Variants in ITGA9 observed in about 807,000 individuals in gnomAD.
The protein encoded by ITGA9 is integrin subunit alpha 9, also known as integrin alpha-9.
In ITGA9, 56 loss-of-function variants were observed where a neutral mutation model predicts 127.8. The ratio of observed to expected loss-of-function variants is 0.44; its 90% CI spans 0.35 to 0.55. The LOEUF (loss-of-function observed/expected upper bound fraction) is 0.55. ITGA9 is among the 20% of genes least tolerant of loss of function. The pLI is 0.00. For synonymous variants in ITGA9, 508 were observed against 514.5 expected (o/e 0.99, Z 0.17); for missense variants, 1,196 against 1,347.1 (o/e 0.89, Z 1.76).
chr3:37,605,948 G>A (rs776059088), intron 15 of ITGA9, among the ~76,000 whole-genome samples: 5 of 152,014 alleles, frequency 3.3e-5, no homozygotes, highest in Non-Finnish European at 4.4e-5. Flanking sequence ...ATGATATAGT[G>A]TGCATGTGTG....
intron 15 of ITGA9, among the ~76,000 whole-genome samples, chr3:37,609,167 A>G (rs1344928791): frequency 1.3e-5 from 2 of 152,144 alleles, no homozygotes; most frequent in African/African-American, 4.8e-5. Flanking sequence ...ACACTCACAC[A>G]GTCATTCTCC....
chr3:37,594,330 A>T (rs1355934747), intron 15 of ITGA9, among the ~76,000 whole-genome samples: 1 of 152,128 alleles, frequency 6.6e-6, no homozygotes, highest in Admixed American at 6.5e-5. Flanking sequence ...AGAGTGAGGG[A>T]GAGTATGGCC....
intron 19 of ITGA9, among the ~76,000 whole-genome samples, chr3:37,736,329 T>A (rs1696361955): frequency 6.6e-6 from 1 of 152,192 alleles, no homozygotes; most frequent in Non-Finnish European, 1.5e-5. Flanking sequence ...CTAGCACATC[T>A]TTAACACTTC....
chr3:37,485,424 C>T (rs1698599325), intron 4 of ITGA9, among the ~76,000 whole-genome samples: 2 of 151,710 alleles, frequency 1.3e-5, no homozygotes, highest in Non-Finnish European at 2.9e-5. Flanking sequence ...CACTTCTGCC[C>T]CTTTAGCCTC....
chr3:37,496,872 A>G (rs970204958), intron 5 of ITGA9, among the ~76,000 whole-genome samples: 1 of 152,164 alleles, frequency 6.6e-6, no homozygotes, highest in Non-Finnish European at 1.5e-5. Flanking sequence ...AAGAGACACT[A>G]ATGGAGGAAC....
chr3:37,673,040 C>T (rs932638231), intron 17 of ITGA9, among the ~76,000 whole-genome samples: 1 of 151,928 alleles, frequency 6.6e-6, no homozygotes, highest in Non-Finnish European at 1.5e-5. Context: ...AATTGATATT[C>T]ATATTCTAAA....
chr3:37,630,106 T>C (rs1425261494), intron 16 of ITGA9, among the ~76,000 whole-genome samples: 1 of 152,220 alleles, frequency 6.6e-6, no homozygotes, highest in Non-Finnish European at 1.5e-5. Context: ...GGGGCAAAGC[T>C]GTGGAACCAC....
chr3:37,466,518 C>T (rs1180832140), intron 1 of ITGA9, among the ~76,000 whole-genome samples: 5 of 86,284 alleles, frequency 5.8e-5, no homozygotes, highest in African/African-American at 2.3e-4. Context: ...AAAAAAGGGC[C>T]TTTGAGTTTG....
chr3:37,630,477 CAA>C (rs1439210565), intron 16 of ITGA9, among the ~76,000 whole-genome samples: 1 of 152,174 alleles, frequency 6.6e-6, no homozygotes, highest in African/African-American at 2.4e-5. Context: ...AAAATTACAC[CAA>C]AGAGTTGTCC....
intron 15 of ITGA9, among the ~76,000 whole-genome samples, chr3:37,628,162 G>A (rs1268075095): frequency 2.0e-5 from 3 of 152,100 alleles, no homozygotes; most frequent in Non-Finnish European, 4.4e-5. Flanking sequence ...CTTCCCTGCT[G>A]CCACTCTCCT....
At chr3:37,541,001 C>T (rs564919012) in intron 14 of ITGA9, among the ~76,000 whole-genome samples, 2 of 152,304 alleles carry the variant, frequency 1.3e-5, no homozygotes, top group African/African-American at 4.8e-5. Flanking sequence ...ATGGCAGAGG[C>T]CCAGGGAGGC....
intron 23 of ITGA9, among the ~76,000 whole-genome samples, chr3:37,770,396 C>T (rs541576528): frequency 6.6e-6 from 1 of 152,274 alleles, no homozygotes; most frequent in East Asian, 1.9e-4. Flanking sequence ...TGTTCAAACC[C>T]AGGCACAGGG....
At chr3:37,804,720 C>A (rs1697274923) in intron 27 of ITGA9, among the ~76,000 whole-genome samples, 1 of 152,150 alleles carries the variant, frequency 6.6e-6, no homozygotes, top group African/African-American at 2.4e-5. Context: ...TCTAGAATTA[C>A]AAATTTCAGA....
At chr3:37,696,878 C>T (rs895594694) in intron 18 of ITGA9, among the ~76,000 whole-genome samples, 1 of 152,134 alleles carries the variant, frequency 6.6e-6, no homozygotes, top group Non-Finnish European at 1.5e-5. Flanking sequence ...GGTGACGTCA[C>T]CTGGGAGTGT....
chr3:37,452,450 C>T lies in ITGA9; in HGVS notation c.76C>T (p.Pro26Ser). 1 of 1,483,070 alleles carries T rather than the reference C, an allele frequency of 6.7e-7. No individual in the cohort carries two copies. Among genetic ancestry groups the T allele is most frequent in the Non-Finnish European group, 9.0e-7 (1 of 1,115,668 alleles). 91.9% of individuals were successfully genotyped at this position (1,483,070 alleles called of 1,614,324 possible). The part of the protein sequence containing the change: ...LLLALVVAGI[P>S]AGAYNLDPQR... ...GCTGGCGCTGGTGGTCGCGGGGATC[C>T]CCGCGGGCGCCTACAACCTCGACCC... Residue 26 changes from proline (P) to serine (S), a missense_variant, in exon 1 of 28, where the codon CCC becomes TCC. Transcript: ENST00000264741. This position sits in a 1 kb window ranked among gnomAD's most constrained non-coding sequence, Gnocchi z 7.3.
In ITGA9 at chr3:37,523,562, T is replaced by C. The variant is rs141414928; in HGVS notation, c.1278T>C (p.Phe426=). 3.3e-5 allele frequency: 54 copies of C among 1,614,012 alleles called. No individual in the cohort carries two copies. The highest frequency in any genetic ancestry group is 4.2e-6 in the Non-Finnish European group (5 of 1,179,998). ...GQKINPVLRM[F]GQSISGGIDM... ...AGATAAATCCAGTGCTCCGGATGTT[T>C]GGTCAGTCCATATCGGGAGGCATTG... The change falls in exon 12 of 28, where the codon TTT becomes TTC. Residue 426 remains phenylalanine (F), a synonymous_variant. Coordinates refer to ENST00000264741, the MANE Select transcript of ITGA9 (RefSeq NM_002207.3).
intron 5 of ITGA9, among the ~76,000 whole-genome samples, chr3:37,498,405 G>A (rs527675480): frequency 6.6e-6 from 1 of 152,288 alleles, no homozygotes; most frequent in Non-Finnish European, 1.5e-5. Context: ...GTGTTCCCAG[G>A]AGGGAAGTGT....
In ITGA9 at chr3:37,775,598, A is replaced by G. The variant is rs191749845; in HGVS notation, c.2542-1794A>G. On this transcript the variant is annotated intron_variant, in intron 23 of 27. Transcript: ENST00000264741. ...GAGGCGGAGCTTGCAGTGAGCCAAG[A>G]TCGCGCCACTGCACTCCAGCCTGGG... Among the ~76,000 whole-genome samples, 18 of 151,506 alleles carry G rather than the reference A, an allele frequency of 1.2e-4. No individual in the cohort carries two copies. The East Asian group carries it at 3.5e-3, about 29-fold the overall frequency.
chr3:37,561,691 A>T lies in ITGA9; in HGVS notation c.1689+19106A>T, dbSNP rs181492719. On this transcript the variant is annotated intron_variant, in intron 15 of 27. Coordinates refer to ENST00000264741, the MANE Select transcript of ITGA9 (RefSeq NM_002207.3). ...CCATTCAGCTACTGACAAGGTCAGCATCATTGCTTTCAGCTGGCGTTTTAG... is the reference window on the plus strand; with the variant it reads ...CCATTCAGCTACTGACAAGGTCAGCTTCATTGCTTTCAGCTGGCGTTTTAG... Among the ~76,000 whole-genome samples, 324 of 152,292 alleles carry T rather than the reference A, an allele frequency of 2.1e-3. 1 individual carries two copies. Among genetic ancestry groups the T allele is most frequent in the African/African-American group, 7.0e-3 (293 of 41,566 alleles).
Sources: gnomAD v4.1 joint callset for allele counts (sites outside exome capture counted in the v4.1 genomes callset) on GRCh38, gnomAD v4.1.1 for gene constraint, Gnocchi (gnomAD v3.1) non-coding constraint, MANE v1.5 for transcripts, NCBI Gene and HGNC (gene_info 2026-07-23, HGNC 2026-07-21) for gene names.